The following CSNK1G2 variants were observed in gnomAD, a reference collection of about 807,000 sequenced individuals.
CSNK1G2 encodes the protein casein kinase 1 gamma 2, also known as casein kinase I isoform gamma-2.
In CSNK1G2, 11 loss-of-function variants were observed where a neutral mutation model predicts 48.0. That is an observed-to-expected ratio of 0.23 (90% CI 0.14 to 0.38). The LOEUF (loss-of-function observed/expected upper bound fraction) is 0.38, where lower values mean the gene tolerates loss of function less well. Among genes scored for constraint, CSNK1G2 ranks in the 10% least tolerant of loss-of-function variants. The pLI is 1.00. For missense variants in CSNK1G2, 446 were observed against 595.5 expected, an observed-to-expected ratio of 0.75 and a Z score of 2.61; for synonymous variants, 337 against 254.1, an observed-to-expected ratio of 1.33 and a Z score of -3.10.
At chr19:1,977,664 GA>G (rs1044963112) in intron 2 of CSNK1G2, among the ~76,000 whole-genome samples, 2 of 149,872 alleles carry the variant, frequency 1.3e-5, no homozygotes, top group Non-Finnish European at 1.5e-5. Flanking sequence ...GAGATGGGAG[GA>G]TGGCTTGAGC....
chr19:1,971,598 G>A (rs1444043213), intron 2 of CSNK1G2, among the ~76,000 whole-genome samples: 1 of 152,164 alleles, frequency 6.6e-6, no homozygotes, highest in East Asian at 1.9e-4. Context: ...CAGGCACACA[G>A]GCTCATCTGC....
In CSNK1G2 at chr19:1,969,305, C is replaced by T. The variant is rs547538985; in HGVS notation, c.-265-203C>T. On this transcript the variant is annotated intron_variant, in intron 1 of 11. Coordinates refer to ENST00000255641, the MANE Select transcript of CSNK1G2 (RefSeq NM_001319.7). Reference sequence around the variant, plus strand: ...CCTGTTCGTCCCCAGGCAGCCACGCCGAGATCTCTGGCCTCTGATGTCATG... The same window carrying T: ...CCTGTTCGTCCCCAGGCAGCCACGCTGAGATCTCTGGCCTCTGATGTCATG... Among the ~76,000 whole-genome samples the T allele has an allele frequency of 1.4e-4, 21 of 151,040 alleles. No individual in the cohort carries two copies. In the East Asian group the frequency reaches 3.5e-3, roughly 25 times the overall value.
At chr19:1,959,090 T>C (rs1425756461) in intron 1 of CSNK1G2, 2 of 154,036 alleles carry the variant, frequency 1.3e-5, no homozygotes, top group African/African-American at 2.4e-5. Flanking sequence ...CTGTACCCGC[T>C]AGCTGTGTAA....
At chr19:1,963,268 G>A (rs184037511) in intron 1 of CSNK1G2, among the ~76,000 whole-genome samples, 2 of 152,126 alleles carry the variant, frequency 1.3e-5, no homozygotes, top group Non-Finnish European at 2.9e-5. Flanking sequence ...TGTTTTTTGA[G>A]ACAGAGTCTC....
intron 1 of CSNK1G2, among the ~76,000 whole-genome samples, chr19:1,950,774 G>A (rs1281688695): frequency 6.8e-6 from 1 of 146,304 alleles, no homozygotes; most frequent in East Asian, 2.1e-4. Flanking sequence ...TGTCAGGTGG[G>A]GACCTGGCCG....
At chr19:1,959,762 C>T (rs2015133981) in intron 1 of CSNK1G2, among the ~76,000 whole-genome samples, 1 of 112,170 alleles carries the variant, frequency 8.9e-6, no homozygotes, top group African/African-American at 5.4e-5. Flanking sequence ...ACCGTGGGTC[C>T]CCCAGCACCC....
At chr19:1,969,251 C>A (rs1287133108) in intron 1 of CSNK1G2, among the ~76,000 whole-genome samples, 1 of 142,862 alleles carries the variant, frequency 7.0e-6, no homozygotes, top group Non-Finnish European at 1.5e-5. Flanking sequence ...CCACCCATCC[C>A]GCTTTACAGA....
Position 1,978,244 on chromosome 19 carries a change from T to C in CSNK1G2, c.188-61T>C. The C allele has an allele frequency of 1.3e-6, 2 of 1,568,174 alleles. No individual in the cohort carries two copies. The highest frequency in any genetic ancestry group is 8.7e-7 in the Non-Finnish European group (1 of 1,146,546). ...CCTGCCTCCTGCCTCGGGGGTGGGC[T>C]GGGGAGGTCGGGGCTAGGTGGGCCC... On this transcript the variant is annotated intron_variant, in intron 2 of 11. Transcript: ENST00000255641. This position sits in a 1 kb window ranked among gnomAD's most constrained non-coding sequence, Gnocchi z 7.3.
Position 1,969,816 on chromosome 19 carries a change from G to T in CSNK1G2, c.44G>T (p.Gly15Val). The change falls in exon 2 of 12, where the codon GGC becomes GTC. Residue 15 changes from glycine (G) to valine (V), a missense_variant. Physicochemically the swap from Gly to Val is moderately radical, Grantham distance 109. Around this residue, in one of 2 missense-constraint regions of CSNK1G2, gnomAD observed 258 missense variants for 415.9 expected, o/e 0.62. Coordinates refer to ENST00000255641, the MANE Select transcript of CSNK1G2 (RefSeq NM_001319.7). ...KKGGKGETEEGRRMSKAGGGR... is the reference protein window; with the variant it reads ...KKGGKGETEEVRRMSKAGGGR... ...GGAGGGAAAGGGGAGACGGAGGAGG[G>T]CCGGAGAATGTCCAAGGCCGGCGGG... The T allele has an allele frequency of 7.6e-7, 1 of 1,310,276 alleles. No homozygotes were observed. Among genetic ancestry groups the T allele is most frequent in the Non-Finnish European group, 9.8e-7 (1 of 1,020,958 alleles). The allele number at this position is 1,310,276 out of a possible 1,614,324, so 81.2% of individuals were successfully genotyped here. A position where few individuals can be genotyped will look rare whatever the true frequency, so the allele number is the denominator to read the frequency against.
intron 1 of CSNK1G2, among the ~76,000 whole-genome samples, chr19:1,966,611 C>G (rs2015372814): frequency 6.6e-6 from 1 of 152,182 alleles, no homozygotes; most frequent in Non-Finnish European, 1.5e-5. Context: ...GACTGCAGTT[C>G]TGAAAGACGT....
rs1363546292 is a variant in CSNK1G2, at chr19:1,975,765, G to T, written c.188-2540G>T. 3 of 985,156 alleles carry T rather than the reference G, an allele frequency of 3.0e-6. No homozygotes were observed. The African/African-American group carries it at 5.2e-5, about 17-fold the overall frequency. The allele number at this position is 985,156 out of a possible 1,614,324, so 61.0% of individuals were successfully genotyped here. A position where few individuals can be genotyped will look rare whatever the true frequency, so the allele number is the denominator to read the frequency against. On this transcript the variant is annotated intron_variant, in intron 2 of 11. Coordinates refer to ENST00000255641, the MANE Select transcript of CSNK1G2 (RefSeq NM_001319.7). ...AAACTTCGAAATCTGACCAGGCACAGTGGCTCACGCCTGTAATCCCAACAC... is the reference window on the plus strand; with the variant it reads ...AAACTTCGAAATCTGACCAGGCACATTGGCTCACGCCTGTAATCCCAACAC...
intron 1 of CSNK1G2, 113 bp downstream of exon 1, chr19:1,941,531 C>A: frequency 7.1e-6 from 1 of 141,084 alleles, no homozygotes; most frequent in Non-Finnish European, 1.6e-5. Flanking sequence ...TGCCCTCCTG[C>A]GCCCTGCCGA....
At chr19:1,966,254 A>T (rs543174711) in intron 1 of CSNK1G2, among the ~76,000 whole-genome samples, 9 of 152,332 alleles carry the variant, frequency 5.9e-5, no homozygotes, top group South Asian at 2.1e-4. Flanking sequence ...CGCGTGATCC[A>T]TGGGAGGAGG....
intron 1 of CSNK1G2, among the ~76,000 whole-genome samples, chr19:1,948,680 G>A (rs2014658499): frequency 6.6e-6 from 1 of 152,204 alleles, no homozygotes; most frequent in Non-Finnish European, 1.5e-5. Flanking sequence ...GGCAACGTGT[G>A]CACGCAAGTG....
chr19:1,965,246 G>C (rs1345735410), intron 1 of CSNK1G2, among the ~76,000 whole-genome samples: 3 of 150,560 alleles, frequency 2.0e-5, no homozygotes, highest in Non-Finnish European at 4.4e-5. Flanking sequence ...AACCGGCCGT[G>C]GTGGCGGGCG....
At chr19:1,971,738 C>T (rs2015578164) in intron 2 of CSNK1G2, among the ~76,000 whole-genome samples, 1 of 148,586 alleles carries the variant, frequency 6.7e-6, no homozygotes, top group Non-Finnish European at 1.5e-5. Context: ...TCCCTGTAGG[C>T]AGATGAGAGT....
intron 1 of CSNK1G2, among the ~76,000 whole-genome samples, chr19:1,960,070 T>G (rs942137589): frequency 6.6e-6 from 1 of 152,170 alleles, no homozygotes; most frequent in Non-Finnish European, 1.5e-5. Context: ...CCCACCCACG[T>G]CCAGGGCCCC....
chr19:1,978,717 G>A lies in CSNK1G2; in HGVS notation c.414G>A (p.Thr138=), dbSNP rs763022658. The A allele has an allele frequency of 1.3e-5, 20 of 1,599,142 alleles. No individual in the cohort carries two copies. The East Asian group carries it at 3.8e-4, about 31-fold the overall frequency. ...DLFDLCDRTF[T]LKTVLMIAIQ... ...TCGACCTGTGCGACCGGACCTTCAC[G>A]CTCAAGACGGTGCTGATGATCGCCA... Residue 138 remains threonine (T), a synonymous_variant, in exon 5 of 12, where the codon ACG becomes ACA. Transcript: ENST00000255641. This position sits in a 1 kb window ranked among gnomAD's most constrained non-coding sequence, Gnocchi z 7.3.
rs376694366 is a variant in CSNK1G2 at position 1,955,524 on chromosome 19, C to CTG, written c.-265-13984_-265-13983insTG. On this transcript the variant is annotated intron_variant, in intron 1 of 11. Coordinates refer to ENST00000255641, the MANE Select transcript of CSNK1G2 (RefSeq NM_001319.7). ...GGTGGGCGTGTGCCAGGGTGAGGCT[C>CTG]CGCGGGGTGGGCGTGTGCCTGGGCG... Among the ~76,000 whole-genome samples the CTG allele has an allele frequency of 4.0e-3, 610 of 151,792 alleles. 1 individual carries two copies. Among genetic ancestry groups the CTG allele is most frequent in the African/African-American group, 0.014 (577 of 41,402 alleles).
Sources: allele counts gnomAD v4.1 joint callset (sites outside exome capture counted in the v4.1 genomes callset), GRCh38; gene constraint gnomAD v4.1.1; regional missense constraint gnomAD v4.1.1; non-coding constraint Gnocchi (gnomAD v3.1); transcripts MANE v1.5; gene names NCBI Gene and HGNC (gene_info 2026-07-23, HGNC 2026-07-21).